The following OTUD7A variants were observed in gnomAD, a reference collection of about 807,000 sequenced individuals.
The protein encoded by OTUD7A is OTU domain-containing protein 7A.
A neutral mutation model predicts 65.7 loss-of-function variants in OTUD7A; 12 were observed. The observed-to-expected ratio is 0.18, with a 90% CI of 0.12 to 0.30. The LOEUF (loss-of-function observed/expected upper bound fraction) is 0.30, where lower values mean the gene tolerates loss of function less well. Ranked by LOEUF, OTUD7A falls within the 10% of genes least tolerant of loss-of-function variation. OTUD7A has a pLI of 1.00. For synonymous variants in OTUD7A, 641 were observed against 586.3 expected, an observed-to-expected ratio of 1.09 and a Z score of -1.35; for missense variants, 1,148 against 1,304.8, an observed-to-expected ratio of 0.88 and a Z score of 1.85.
intron 3 of OTUD7A, among the ~76,000 whole-genome samples, chr15:31,646,269 G>A (rs1246533214): frequency 1.3e-5 from 2 of 152,166 alleles, no homozygotes; most frequent in Non-Finnish European, 2.9e-5. Context: ...GGGCACATAA[G>A]TGAAGCAAAG....
In OTUD7A at chr15:31,488,004, C is replaced by G. The variant is rs553930914; in HGVS notation, c.1172-438G>C. On this transcript the variant is annotated intron_variant, in intron 10 of 12. Transcript: ENST00000307050. ...AGGTGAGCAAGGGTGTTGCTGACCT[C>G]TACTGGTTTGTAATTTTGTGCCACA... Among the ~76,000 whole-genome samples the G allele has an allele frequency of 1.6e-3, 247 of 152,280 alleles. 1 individual carries two copies. Among genetic ancestry groups the G allele is most frequent in the South Asian group, 3.9e-3 (19 of 4,822 alleles).
At chr15:31,630,038 A>G (rs1448146458) in intron 3 of OTUD7A, among the ~76,000 whole-genome samples, 1 of 149,286 alleles carries the variant, frequency 6.7e-6, no homozygotes, top group Non-Finnish European at 1.5e-5. Context: ...CTTTCAAAAA[A>G]CCAGCTCCTG....
At chr15:31,816,980 C>A (rs935498589) in intron 1 of OTUD7A, among the ~76,000 whole-genome samples, 2 of 152,194 alleles carry the variant, frequency 1.3e-5, no homozygotes, top group African/African-American at 4.8e-5. Context: ...AACCCCAAAA[C>A]TTGCCTCAAT....
At chr15:31,856,137 A>T (rs1897566124) in intron 1 of OTUD7A, among the ~76,000 whole-genome samples, 1 of 152,258 alleles carries the variant, frequency 6.6e-6, no homozygotes, top group South Asian at 2.1e-4. Flanking sequence ...ATCACTAAAT[A>T]AAAATATAAT....
intron 3 of OTUD7A, among the ~76,000 whole-genome samples, chr15:31,577,230 TTAAC>T (rs1889227741): frequency 1.3e-5 from 2 of 152,286 alleles, no homozygotes; most frequent in African/African-American, 2.4e-5. Context: ...TCAGGAAAGA[TTAAC>T]TAAGAGTCTG....
chr15:31,550,103 G>GAA (rs11413883), intron 5 of OTUD7A, among the ~76,000 whole-genome samples: 55,165 of 126,692 alleles, frequency 0.44, 12,665 homozygotes, highest in East Asian at 0.9. Flanking sequence ...CTGTCTCCAG[G>GAA]AAAAAAAAAA....
intron 1 of OTUD7A, among the ~76,000 whole-genome samples, chr15:31,852,350 G>T (rs1897451350): frequency 6.6e-6 from 1 of 152,194 alleles, no homozygotes; most frequent in Non-Finnish European, 1.5e-5. Context: ...TGGAATTTAG[G>T]ATTTCTCACT....
At chr15:31,516,471 G>A (rs151116874) in intron 8 of OTUD7A, among the ~76,000 whole-genome samples, 46 of 152,254 alleles carry the variant, frequency 3.0e-4, no homozygotes, top group African/African-American at 8.9e-4. Flanking sequence ...CTTGCTTCTG[G>A]CTCCTTGTCC....
intron 5 of OTUD7A, among the ~76,000 whole-genome samples, chr15:31,542,817 A>G (rs1421677192): frequency 6.7e-6 from 1 of 148,768 alleles, no homozygotes; most frequent in African/African-American, 2.6e-5. Context: ...CAATGGAAAG[A>G]AGAAGCCAAA....
chr15:31,743,821 T>C (rs1453688673), intron 1 of OTUD7A, among the ~76,000 whole-genome samples: 1 of 150,904 alleles, frequency 6.6e-6, no homozygotes, highest in African/African-American at 2.4e-5. Context: ...ATAAGACCGG[T>C]AAACAAACAC....
At chr15:31,824,490 A>G (rs1896755303) in intron 1 of OTUD7A, among the ~76,000 whole-genome samples, 1 of 152,260 alleles carries the variant, frequency 6.6e-6, no homozygotes, top group Non-Finnish European at 1.5e-5. Flanking sequence ...TAAATTTCAG[A>G]GAAATGCCTC....
At chr15:31,594,820 G>A (rs1217144364) in intron 3 of OTUD7A, among the ~76,000 whole-genome samples, 1 of 152,202 alleles carries the variant, frequency 6.6e-6, no homozygotes, top group Non-Finnish European at 1.5e-5. Flanking sequence ...ACAGGGATGG[G>A]TGCAGGTGCA....
rs773708675 is a variant in OTUD7A at position 31,487,602 on chromosome 15, C to G, written c.1172-36G>C. 1 of 1,566,028 alleles carries G rather than the reference C, an allele frequency of 6.4e-7. No individual in the cohort carries two copies. The highest frequency in any genetic ancestry group is 8.7e-7 in the Non-Finnish European group (1 of 1,149,706). Reference sequence around the variant, plus strand: ...AGAGACAGAGCCGTGCTTGGAGCCCCGGCAGTCCCCAGGCAGGATGGCAAG... The same window carrying G: ...AGAGACAGAGCCGTGCTTGGAGCCCGGGCAGTCCCCAGGCAGGATGGCAAG... On this transcript the variant is annotated intron_variant, in intron 10 of 12. Coordinates refer to ENST00000307050, the MANE Select transcript of OTUD7A (RefSeq NM_001382637.1). This position sits in a 1 kb window ranked among gnomAD's most constrained non-coding sequence, Gnocchi z 6.0.
At position 31,481,296 on chromosome 15, in the gene OTUD7A, C is replaced by A. The variant is rs1315159939; in HGVS notation, c.*1998G>T. ...GGGTGTCTCAATCTTTTAAGAGTGA[C>A]GAGCATGAGGAGTGGCTGGCATCCA... On this transcript the variant is annotated 3_prime_UTR_variant, in exon 13 of 13. Transcript: ENST00000307050. The A allele has an allele frequency of 1.3e-5, 2 of 152,150 alleles. No homozygotes were observed. Among genetic ancestry groups the A allele is most frequent in the Non-Finnish European group, 2.9e-5 (2 of 68,042 alleles). The allele number at this position is 152,150 out of a possible 1,614,324, so 9.4% of individuals were successfully genotyped here.
intron 1 of OTUD7A, among the ~76,000 whole-genome samples, chr15:31,749,058 T>C (rs1894555965): frequency 6.9e-6 from 1 of 144,628 alleles, no homozygotes; most frequent in Non-Finnish European, 1.5e-5. Context: ...AAATACCGCA[T>C]GTTCTCACTC....
At chr15:31,860,689 A>G (rs1157675112) in intron 1 of OTUD7A, among the ~76,000 whole-genome samples, 9 of 125,768 alleles carry the variant, frequency 7.2e-5, no homozygotes, top group Non-Finnish European at 1.0e-4. Flanking sequence ...ATATATATAT[A>G]TATATATATA....
At chr15:31,569,308 CAG>C (rs1238580197) in intron 4 of OTUD7A, among the ~76,000 whole-genome samples, 1 of 152,300 alleles carries the variant, frequency 6.6e-6, no homozygotes, top group East Asian at 1.9e-4. Context: ...CAAGCAAAAA[CAG>C]AATCACCATG....
At position 31,758,070 on chromosome 15, in the gene OTUD7A, G is replaced by T. The variant is rs376124981; in HGVS notation, c.-99-100993C>A. 3.2e-4 allele frequency among the ~76,000 whole-genome samples: 49 copies of T among 152,208 alleles called. No individual in the cohort carries two copies. In the South Asian group the frequency reaches 9.3e-3, roughly 29 times the overall value. ...ATTTCATATGAATCCTAAAACGTAG[G>T]TTTTCATTTACTTTTAATGTTGACA... On this transcript the variant is annotated intron_variant, in intron 1 of 12. Coordinates refer to ENST00000307050, the MANE Select transcript of OTUD7A (RefSeq NM_001382637.1).
chr15:31,539,155 G>C (rs1351054703), intron 5 of OTUD7A, among the ~76,000 whole-genome samples: 1 of 152,046 alleles, frequency 6.6e-6, no homozygotes. Context: ...TAATGAGCAA[G>C]TGCCTCAAAT....
Sources: gnomAD v4.1 joint callset for allele counts (sites outside exome capture counted in the v4.1 genomes callset) on GRCh38, gnomAD v4.1.1 for gene constraint, Gnocchi (gnomAD v3.1) non-coding constraint, MANE v1.5 for transcripts, NCBI Gene and HGNC (gene_info 2026-07-23, HGNC 2026-07-21) for gene names.